OSBPL11: variants seen among roughly 807,000 people sequenced by gnomAD.
OSBPL11 encodes oxysterol-binding protein-related protein 11.
A neutral mutation model predicts 84.4 loss-of-function variants in OSBPL11; 33 were observed. The ratio of observed to expected loss-of-function variants is 0.39; its 90% CI spans 0.30 to 0.52. The LOEUF is 0.52. Among genes scored for constraint, OSBPL11 ranks in the 20% least tolerant of loss-of-function variants. OSBPL11 has a pLI of 0.72. For synonymous variants in OSBPL11, 276 were observed against 310.2 expected (o/e 0.89, Z 1.16); for missense variants, 736 against 901.1 (o/e 0.82, Z 2.35).
At chr3:125,566,794 AT>A (rs935625119) in intron 6 of OSBPL11, among the ~76,000 whole-genome samples, 101 of 144,654 alleles carry the variant, frequency 7.0e-4, no homozygotes, top group South Asian at 4.8e-3. Flanking sequence ...ATATATATAT[AT>A]TTTTTTTTTA....
chr3:125,575,848 G>T (rs542894797), intron 5 of OSBPL11, among the ~76,000 whole-genome samples: 1 of 151,494 alleles, frequency 6.6e-6, no homozygotes, highest in East Asian at 1.9e-4. Context: ...ATATCAGTTT[G>T]TTTTTTTAAA....
chr3:125,550,594 C>T (rs1170890428), intron 9 of OSBPL11, among the ~76,000 whole-genome samples: 2 of 152,080 alleles, frequency 1.3e-5, no homozygotes, highest in Non-Finnish European at 2.9e-5. Flanking sequence ...CTTAATGATG[C>T]CATGCTTACA....
intron 1 of OSBPL11, among the ~76,000 whole-genome samples, chr3:125,593,125 C>A (rs1381415687): frequency 6.6e-6 from 1 of 152,202 alleles, no homozygotes; most frequent in African/African-American, 2.4e-5. Flanking sequence ...CTCTCCAGAC[C>A]CAAATGTGAA....
chr3:125,593,104 G>A (rs1936623734), intron 1 of OSBPL11, among the ~76,000 whole-genome samples: 1 of 152,158 alleles, frequency 6.6e-6, no homozygotes, highest in African/African-American at 2.4e-5. Context: ...CAACTTAATA[G>A]ACTCCCGGCT....
chr3:125,542,497 T>C (rs559761808), intron 10 of OSBPL11, among the ~76,000 whole-genome samples: 8 of 150,092 alleles, frequency 5.3e-5, no homozygotes, highest in Non-Finnish European at 7.4e-5. Flanking sequence ...CACCATGTCC[T>C]GCTAATTTTG....
At chr3:125,546,218 C>T (rs1371467163) in intron 10 of OSBPL11, among the ~76,000 whole-genome samples, 21 of 150,070 alleles carry the variant, frequency 1.4e-4, no homozygotes, top group African/African-American at 4.9e-4. Flanking sequence ...CTGTCACCCA[C>T]GCTGGAGCAC....
At chr3:125,533,370 G>A (rs190739727) in intron 11 of OSBPL11, among the ~76,000 whole-genome samples, 11 of 151,960 alleles carry the variant, frequency 7.2e-5, no homozygotes, top group South Asian at 2.1e-4. Flanking sequence ...GACTACAGGC[G>A]TGCACCACCA....
Position 125,594,635 on chromosome 3 carries a change from A to T in OSBPL11, c.164+2T>A. On this transcript the variant is annotated splice_donor_variant, in intron 1 of 12. Coordinates refer to ENST00000296220, the MANE Select transcript of OSBPL11 (RefSeq NM_022776.5). LOFTEE classifies it high-confidence loss of function. ...GAAATAATTTTGGAGAAAGGAGCAT[A>T]CCTGTACTGCCAGCCTTTTGCACTG... 1 of 1,612,926 alleles carries T rather than the reference A, an allele frequency of 6.2e-7. No homozygotes were observed. The highest frequency in any genetic ancestry group is 8.5e-7 in the Non-Finnish European group (1 of 1,179,882).
At chr3:125,560,269 A>G (rs535810280) in intron 8 of OSBPL11, 110 bp downstream of exon 8, 8 of 1,069,268 alleles carry the variant, frequency 7.5e-6, no homozygotes, top group Non-Finnish European at 9.8e-6. Flanking sequence ...CTCAAAAAAA[A>G]TTAAAATTAA....
At chr3:125,570,581 A>T (rs1936229363) in intron 5 of OSBPL11, among the ~76,000 whole-genome samples, 1 of 152,118 alleles carries the variant, frequency 6.6e-6, no homozygotes, top group African/African-American at 2.4e-5. Flanking sequence ...GTGTTGTGGG[A>T]TAGACCCAGT....
chr3:125,573,721 G>T (rs906314143), intron 5 of OSBPL11, among the ~76,000 whole-genome samples: 1 of 151,622 alleles, frequency 6.6e-6, no homozygotes, highest in African/African-American at 2.4e-5. Flanking sequence ...AAAATTAGCC[G>T]GGCATGGTGG....
chr3:125,592,166 C>T (rs1936604556), intron 1 of OSBPL11, among the ~76,000 whole-genome samples: 2 of 152,144 alleles, frequency 1.3e-5, no homozygotes, highest in South Asian at 4.1e-4. Flanking sequence ...AATCCTTCCA[C>T]CTCAGCCTCC....
At position 125,563,302 on chromosome 3, in the gene OSBPL11, C is replaced by T. The variant is rs1936104810; in HGVS notation, c.1014+396G>A. On this transcript the variant is annotated intron_variant, in intron 7 of 12. Coordinates refer to ENST00000296220, the MANE Select transcript of OSBPL11 (RefSeq NM_022776.5). ...AACAACTGGCTTGGTAAAGTGCTTA[C>T]TATGAAAAAGACTCAACTTTTAAGA... Among the ~76,000 whole-genome samples, 2 of 151,840 alleles carry T rather than the reference C, an allele frequency of 1.3e-5. 1 individual carries two copies. Among genetic ancestry groups the T allele is most frequent in the Admixed American group, 1.3e-4 (2 of 15,252 alleles).
rs553247705 is a variant in OSBPL11, at chr3:125,540,608, T to A, written c.1842-1975A>T. On this transcript the variant is annotated intron_variant, in intron 10 of 12. Coordinates refer to ENST00000296220, the MANE Select transcript of OSBPL11 (RefSeq NM_022776.5). ...CAAACAGGATATGAGGAAGTGACAC[T>A]GAACATTTATTTAGTCTGTTTCCCA... Among the ~76,000 whole-genome samples, 4 of 152,336 alleles carry A rather than the reference T, an allele frequency of 2.6e-5. No homozygotes were observed. The South Asian group carries it at 8.3e-4, about 32-fold the overall frequency.
At chr3:125,591,877 C>A (rs551186532) in intron 1 of OSBPL11, among the ~76,000 whole-genome samples, 10 of 152,174 alleles carry the variant, frequency 6.6e-5, no homozygotes, top group Non-Finnish European at 1.2e-4. Flanking sequence ...GTGGTGTACA[C>A]CTGTAGTCCC....
intron 10 of OSBPL11, among the ~76,000 whole-genome samples, chr3:125,542,753 A>T (rs970189905): frequency 9.2e-5 from 14 of 151,538 alleles, no homozygotes; most frequent in Non-Finnish European, 1.9e-4. Flanking sequence ...CTTGTGATCT[A>T]CCCGCCTCGG....
intron 10 of OSBPL11, among the ~76,000 whole-genome samples, chr3:125,542,670 G>A (rs1295444276): frequency 7.2e-5 from 11 of 152,104 alleles, no homozygotes; most frequent in African/African-American, 2.4e-4. Flanking sequence ...TACTACACCC[G>A]GTTAATTTTT....
chr3:125,568,412 T>C (rs928644200), intron 5 of OSBPL11, among the ~76,000 whole-genome samples: 1 of 144,336 alleles, frequency 6.9e-6, no homozygotes, highest in African/African-American at 2.6e-5. Flanking sequence ...GCCTGGGCGA[T>C]AGAGTGAGAC....
chr3:125,575,462 G>T (rs1220208266), intron 5 of OSBPL11, among the ~76,000 whole-genome samples: 1 of 150,678 alleles, frequency 6.6e-6, no homozygotes, highest in African/African-American at 2.4e-5. Context: ...CTGGGCTCAG[G>T]CGATCCTCCT....
Sources: gnomAD v4.1 joint callset for allele counts (sites outside exome capture counted in the v4.1 genomes callset) on GRCh38, gnomAD v4.1.1 for gene constraint, MANE v1.5 for transcripts, NCBI Gene and HGNC (gene_info 2026-07-23, HGNC 2026-07-21) for gene names.